Variants in ZFHX3 observed in about 807,000 individuals in gnomAD.
The protein encoded by ZFHX3 is zinc finger homeobox protein 3.
A neutral mutation model predicts 279.1 loss-of-function variants in ZFHX3; 42 were observed. The observed-to-expected ratio is 0.15, with a 90% confidence interval of 0.12 to 0.19. The LOEUF (loss-of-function observed/expected upper bound fraction) is 0.19, where lower values mean the gene tolerates loss of function less well. Among genes scored for constraint, ZFHX3 ranks in the 10% least tolerant of loss-of-function variants. ZFHX3 has a pLI of 1.00. For synonymous variants in ZFHX3, 2,293 were observed against 1,957.8 expected (o/e 1.17, Z -4.52); for missense variants, 4,981 against 4,754.0 (o/e 1.05, Z -1.40).
chr16:73,881,240 A>T (rs1034179127), intron 1 of ZFHX3, among the ~76,000 whole-genome samples: 1 of 152,158 alleles, frequency 6.6e-6, no homozygotes, highest in East Asian at 1.9e-4. Context: ...CCATTTTCAC[A>T]TAATGGATGG....
intron 1 of ZFHX3, among the ~76,000 whole-genome samples, chr16:72,962,942 G>A (rs1394583318): frequency 5.3e-5 from 8 of 151,998 alleles, no homozygotes; most frequent in Non-Finnish European, 1.2e-4. Context: ...GTGGCTCAAG[G>A]GTCTCAGGGC....
At chr16:72,875,497 T>A (rs556338328) in intron 4 of ZFHX3, among the ~76,000 whole-genome samples, 173 of 152,344 alleles carry the variant, frequency 1.1e-3, no homozygotes, top group Non-Finnish European at 1.9e-3. Flanking sequence ...GCCAGATCAT[T>A]GCTCACACGG....
chr16:73,440,156 C>T (rs1395838615), intron 3 of ZFHX3, among the ~76,000 whole-genome samples: 1 of 152,156 alleles, frequency 6.6e-6, no homozygotes, highest in Non-Finnish European at 1.5e-5. Flanking sequence ...CCCCATCTGA[C>T]CATCCAATGA....
intron 1 of ZFHX3, among the ~76,000 whole-genome samples, chr16:73,867,144 G>A (rs1753478736): frequency 6.6e-6 from 1 of 152,114 alleles, no homozygotes; most frequent in South Asian, 2.1e-4. Context: ...GGGCCAGAGG[G>A]CTTTGGGATG....
intron 2 of ZFHX3, among the ~76,000 whole-genome samples, chr16:73,471,013 T>C (rs2018656463): frequency 6.6e-6 from 1 of 152,246 alleles, no homozygotes; most frequent in African/African-American, 2.4e-5. Context: ...TTGCTAAGGA[T>C]GGCATTCAGG....
chr16:73,140,726 T>C (rs1966845637), intron 6 of ZFHX3, among the ~76,000 whole-genome samples: 1 of 152,128 alleles, frequency 6.6e-6, no homozygotes, highest in Non-Finnish European at 1.5e-5. Flanking sequence ...TGGTGGCAAG[T>C]GCCTATAGTC....
intron 5 of ZFHX3, among the ~76,000 whole-genome samples, chr16:73,185,007 C>T (rs912908427): frequency 1.3e-5 from 2 of 149,054 alleles, no homozygotes; most frequent in Non-Finnish European, 3.0e-5. Flanking sequence ...TCTGAGACAG[C>T]GTCTCAGTCA....
chr16:73,016,466 T>C (rs1439682151), intron 1 of ZFHX3, among the ~76,000 whole-genome samples: 5 of 152,078 alleles, frequency 3.3e-5, no homozygotes, highest in African/African-American at 1.2e-4. Flanking sequence ...CGACTTTGAA[T>C]AGTGAAAGTC....
chr16:73,333,667 G>A (rs1438543755), intron 3 of ZFHX3, among the ~76,000 whole-genome samples: 1 of 151,992 alleles, frequency 6.6e-6, no homozygotes, highest in African/African-American at 2.4e-5. Context: ...GGTAACAAGG[G>A]CTCTATACTA....
At chr16:72,904,186 CA>C (rs2039110198) in intron 3 of ZFHX3, among the ~76,000 whole-genome samples, 1 of 151,890 alleles carries the variant, frequency 6.6e-6, no homozygotes, top group African/African-American at 2.4e-5. Flanking sequence ...GCCAACATGG[CA>C]AAACCCCACC....
rs991431857 is a variant in ZFHX3 at position 73,498,337 on chromosome 16, C to T, written c.-1546-42079G>A. Among the ~76,000 whole-genome samples the T allele has an allele frequency of 3.9e-5, 6 of 152,174 alleles. No individual in the cohort carries two copies. In the East Asian group the frequency reaches 5.8e-4, roughly 15 times the overall value. ...GACATGTGGGAGCTTTCTGGAATGACGGACATGTTTGACATCTTGATGTCA... is the reference window on the plus strand; with the variant it reads ...GACATGTGGGAGCTTTCTGGAATGATGGACATGTTTGACATCTTGATGTCA... On this transcript the variant is annotated intron_variant, in intron 2 of 17. Coordinates refer to the ZFHX3 transcript ENST00000641206.
intron 1 of ZFHX3, chr16:73,058,462 G>T: frequency 5.6e-6 from 1 of 179,956 alleles, no homozygotes; most frequent in Non-Finnish European, 1.1e-5. Context: ...CGGTGGCGGC[G>T]GGAGGAGGAG....
In ZFHX3 at chr16:72,797,832, G is replaced by C; in HGVS notation, c.4850C>G (p.Ser1617Cys). ...QSSTLEIHMR[S>C]VLHQTKARAA... ...CCGGGCCTTGGTTTGATGTAACACA[G>C]ACCTCATATGGATCTCCAGAGTGGA... The change falls in exon 9 of 10, where the codon TCT becomes TGT. Residue 1617 changes from serine to cysteine, a missense_variant. Ser to Cys is a moderately radical substitution (Grantham distance 112). Transcript: ENST00000268489. 1 of 1,614,150 alleles carries C rather than the reference G, an allele frequency of 6.2e-7. No individual in the cohort carries two copies. The highest frequency in any genetic ancestry group is 8.5e-7 in the Non-Finnish European group (1 of 1,180,038).
At chr16:73,221,101 C>T (rs537704411) in intron 5 of ZFHX3, among the ~76,000 whole-genome samples, 4 of 152,114 alleles carry the variant, frequency 2.6e-5, no homozygotes, top group South Asian at 2.1e-4. Context: ...ATAGCATAAC[C>T]GTATTGTTGT....
intron 2 of ZFHX3, among the ~76,000 whole-genome samples, chr16:73,624,919 G>A (rs1324891344): frequency 6.6e-6 from 1 of 152,198 alleles, no homozygotes; most frequent in African/African-American, 2.4e-5. Flanking sequence ...ATGTGCTATA[G>A]TAATGAACGC....
chr16:73,105,463 T>TC (rs1160963738), intron 7 of ZFHX3, among the ~76,000 whole-genome samples: 3 of 98,188 alleles, frequency 3.1e-5, no homozygotes, highest in Non-Finnish European at 4.4e-5. Flanking sequence ...ATATATTTTT[T>TC]CCCCCAGGCC....
chr16:73,687,530 C>A (rs781192362), intron 1 of ZFHX3, among the ~76,000 whole-genome samples: 1 of 152,056 alleles, frequency 6.6e-6, no homozygotes, highest in East Asian at 1.9e-4. Context: ...GAAATGCCAT[C>A]ATTAGCATCC....
intron 1 of ZFHX3, among the ~76,000 whole-genome samples, chr16:73,749,224 T>C (rs922851886): frequency 2.6e-5 from 4 of 152,164 alleles, no homozygotes; most frequent in African/African-American, 9.7e-5. Context: ...TATTGTTTTG[T>C]CTGCCTGGTG....
intron 4 of ZFHX3, among the ~76,000 whole-genome samples, chr16:73,311,438 T>C (rs2015322657): frequency 1.2e-5 from 1 of 80,088 alleles, no homozygotes; most frequent in Admixed American, 1.1e-4. Context: ...CTACTAAAAA[T>C]ACAAAAATTA....
Sources: gnomAD v4.1 joint callset for allele counts (sites outside exome capture counted in the v4.1 genomes callset) on GRCh38, gnomAD v4.1.1 for gene constraint, MANE v1.5 for transcripts, NCBI Gene and HGNC (gene_info 2026-07-23, HGNC 2026-07-21) for gene names.